Variants in HDGFL2 observed in about 807,000 individuals in gnomAD.
HDGFL2 encodes the protein hepatoma-derived growth factor-related protein 2.
HDGFL2 carries 36 observed loss-of-function variants against 77.1 expected under a neutral mutation model. The observed-to-expected ratio is 0.47, with a 90% CI of 0.36 to 0.62. The LOEUF is 0.62. Among genes scored for constraint, HDGFL2 ranks in the 20% least tolerant of loss-of-function variants. HDGFL2 has a pLI of 0.00. For missense variants in HDGFL2, 976 were observed against 973.4 expected, an observed-to-expected ratio of 1.00 and a Z score of -0.04; for synonymous variants, 463 against 413.1, an observed-to-expected ratio of 1.12 and a Z score of -1.46.
At chr19:4,493,613 G>T (rs1256496920) in intron 6 of HDGFL2, 90 bp from the exon 7 acceptor site, 11 of 1,296,932 alleles carry the variant, frequency 8.5e-6, no homozygotes, top group Non-Finnish European at 1.1e-5. Context: ...CCTGGCGGCT[G>T]CAGGGGTGCG....
At chr19:4,482,027 T>A (rs1417794287) in intron 3 of HDGFL2, among the ~76,000 whole-genome samples, 3 of 25,790 alleles carry the variant, frequency 1.2e-4, no homozygotes, top group Non-Finnish European at 2.2e-4. Context: ...GGCTTTGGCC[T>A]TTTTTTTTTT....
chr19:4,494,155 T>A lies in HDGFL2; in HGVS notation c.915-11T>A. On this transcript the variant is annotated splice_polypyrimidine_tract_variant and intron_variant, in intron 8 of 15. Transcript: ENST00000616600. Reference sequence around the variant, plus strand: ...GGAACGGAGGTCCCCAACCGCCCCCTCCGCCTCCAGTGACAGCGACGAGGT... The same window carrying A: ...GGAACGGAGGTCCCCAACCGCCCCCACCGCCTCCAGTGACAGCGACGAGGT... 6.7e-7 allele frequency: 1 copy of A among 1,490,018 alleles called. No homozygotes were observed. The highest frequency in any genetic ancestry group is 1.3e-5 in the South Asian group (1 of 75,082). 92.3% of individuals were successfully genotyped at this position (1,490,018 alleles called of 1,614,324 possible).
Position 4,501,228 on chromosome 19 carries a change from G to C in HDGFL2, c.1827G>C (p.Gln609His), listed in dbSNP as rs769725568. The C allele has an allele frequency of 1.2e-6, 2 of 1,613,782 alleles. No homozygotes were observed. Among genetic ancestry groups the C allele is most frequent in the Non-Finnish European group, 8.5e-7 (1 of 1,180,010 alleles). ...CAGTGAATGGCGAGGCCACATCACA[G>C]AAGGGGGAGAGCGCAGAGGACAAGG... ...SAPVNGEATS[Q>H]KGESAEDKEH... Residue 609 changes from glutamine (Q) to histidine (H), a missense_variant, in exon 15 of 16, where the codon CAG (glutamine) becomes CAC (histidine). Transcript: ENST00000616600.
Position 4,485,326 on chromosome 19 carries a change from G to T in HDGFL2, c.289-3350G>T, listed in dbSNP as rs536200974. Among the ~76,000 whole-genome samples the T allele has an allele frequency of 2.0e-5, 3 of 152,268 alleles. No homozygotes were observed. The South Asian group carries it at 6.2e-4, about 32-fold the overall frequency. On this transcript the variant is annotated intron_variant, in intron 3 of 15. Transcript: ENST00000616600. ...ATCCTCAAGGTTCATCCATGCTGTG[G>T]CCTGGGTCAGAGCCTCGTTTCTTTT...
intron 3 of HDGFL2, chr19:4,486,308 C>T (rs1015034102): frequency 1.3e-5 from 2 of 151,960 alleles, no homozygotes; most frequent in Admixed American, 6.6e-5. Flanking sequence ...TGCGTTTTAG[C>T]TGTTTCTATC....
intron 4 of HDGFL2, among the ~76,000 whole-genome samples, chr19:4,489,542 T>C (rs1975453874): frequency 6.6e-6 from 1 of 152,134 alleles, no homozygotes; most frequent in Non-Finnish European, 1.5e-5. Context: ...TAGCTGAGAT[T>C]ACAGGCATCC....
In HDGFL2 at chr19:4,494,037, G is replaced by A. The variant is rs1975627897; in HGVS notation, c.894G>A (p.Pro298=). 6.2e-7 allele frequency: 1 copy of A among 1,609,970 alleles called. No homozygotes were observed. The highest frequency in any genetic ancestry group is 8.5e-7 in the Non-Finnish European group (1 of 1,178,742). The change falls in exon 8 of 16, where the codon CCG becomes CCA. Residue 298 remains proline (P), a synonymous_variant. Coordinates refer to ENST00000616600, the MANE Select transcript of HDGFL2 (RefSeq NM_001001520.3). ...RGRKPKPERP[P]SSSSSDSDSD... ...GGAAACCGAAGCCTGAACGGCCTCC[G>A]TCCAGCTCCAGCAGTGACAGGTGGG... is the stretch of plus-strand genomic sequence containing the variant.
chr19:4,487,122 G>T (rs914832126), intron 3 of HDGFL2, among the ~76,000 whole-genome samples: 1 of 151,472 alleles, frequency 6.6e-6, no homozygotes, highest in Non-Finnish European at 1.5e-5. Context: ...CCGCCACCAC[G>T]CCTGGCTAAT....
At chr19:4,491,946 C>A in intron 6 of HDGFL2, 111 bp downstream of exon 6, 1 of 981,882 alleles carries the variant, frequency 1.0e-6, no homozygotes, top group Non-Finnish European at 1.6e-6. Context: ...GGGACACGGA[C>A]TGCAGGGTAC....
At chr19:4,473,021 G>A (rs1422877117) in intron 1 of HDGFL2, among the ~76,000 whole-genome samples, 1 of 151,012 alleles carries the variant, frequency 6.6e-6, no homozygotes, top group Admixed American at 6.6e-5. Flanking sequence ...CTGGGAGTCT[G>A]GGGGTATCCT....
Position 4,500,546 on chromosome 19 carries a change from C to T in HDGFL2, c.1790-645C>T, listed in dbSNP as rs185981566. Among the ~76,000 whole-genome samples, 789 of 151,368 alleles carry T rather than the reference C, an allele frequency of 5.2e-3. 7 individuals carry two copies. The highest frequency in any genetic ancestry group is 7.6e-3 in the Non-Finnish European group (519 of 67,860). On this transcript the variant is annotated intron_variant, in intron 14 of 15. Transcript: ENST00000616600. ...CGTGATCTTGGCTCACTGCAAGCTC[C>T]GCCTCCTGGGTTCACGCCATTCTCC...
chr19:4,489,244 C>T (rs187116729), intron 4 of HDGFL2, among the ~76,000 whole-genome samples: 593 of 138,302 alleles, frequency 4.3e-3, no homozygotes, highest in Non-Finnish European at 5.7e-3. Context: ...TGAGCCACTG[C>T]GCCTGGCCAC....
intron 3 of HDGFL2, among the ~76,000 whole-genome samples, chr19:4,485,065 C>G (rs1975326324): frequency 6.6e-6 from 1 of 152,082 alleles, no homozygotes; most frequent in Non-Finnish European, 1.5e-5. Context: ...CTTGGCCTCC[C>G]AAAGTGCTGG....
intron 3 of HDGFL2, among the ~76,000 whole-genome samples, chr19:4,481,300 C>T (rs2145165544): frequency 6.6e-6 from 1 of 151,750 alleles, no homozygotes; most frequent in South Asian, 2.1e-4. Flanking sequence ...ATGCTATTCT[C>T]CTGCCTCAGC....
intron 9 of HDGFL2, among the ~76,000 whole-genome samples, chr19:4,494,794 T>G (rs968517356): frequency 1.9e-4 from 29 of 152,204 alleles, no homozygotes; most frequent in African/African-American, 6.3e-4. Context: ...GGTGTGCGCC[T>G]GTATAGTCCC....
At chr19:4,497,201 T>TTTTTGTTTTTG (rs71862010) in intron 10 of HDGFL2, 15 of 413,364 alleles carry the variant, frequency 3.6e-5, no homozygotes, top group Non-Finnish European at 5.0e-5. Flanking sequence ...TTTGTTTTTG[T>TTTTTGTTTTTG]TTTTTTTTGA....
At chr19:4,501,017 A>G (rs1975859021) in intron 14 of HDGFL2, among the ~76,000 whole-genome samples, 174 bp from the exon 15 acceptor site, 1 of 152,176 alleles carries the variant, frequency 6.6e-6, no homozygotes, top group South Asian at 2.1e-4. Flanking sequence ...GGCTGGCTGC[A>G]GCATCCCATG....
At chr19:4,475,788 G>T (rs975743754) in intron 3 of HDGFL2, among the ~76,000 whole-genome samples, 1 of 152,150 alleles carries the variant, frequency 6.6e-6, no homozygotes, top group African/African-American at 2.4e-5. Context: ...CATTCATGGT[G>T]ATGACAGATG....
At chr19:4,493,350 G>A (rs976682176) in intron 6 of HDGFL2, among the ~76,000 whole-genome samples, 2 of 151,492 alleles carry the variant, frequency 1.3e-5, no homozygotes. Flanking sequence ...CAGGGTACTC[G>A]GGTGGAGGCG....
Sources: allele counts gnomAD v4.1 joint callset (sites outside exome capture counted in the v4.1 genomes callset), GRCh38; gene constraint gnomAD v4.1.1; transcripts MANE v1.5; gene names NCBI Gene and HGNC (gene_info 2026-07-23, HGNC 2026-07-21).